Variants in ADA2 observed in about 807,000 individuals in gnomAD.
The protein encoded by ADA2 is adenosine deaminase CECR1.
In ADA2, 29 loss-of-function variants were observed where a neutral mutation model predicts 44.2. That is an observed-to-expected ratio of 0.66 (90% CI 0.49 to 0.89). The LOEUF (loss-of-function observed/expected upper bound fraction) is 0.89, where lower values mean the gene tolerates loss of function less well. ADA2 is among the 40% of genes least tolerant of loss of function. The pLI, the probability that ADA2 is intolerant of heterozygous loss-of-function variation, is 0.00. For synonymous variants in ADA2, 215 were observed against 234.9 expected, an observed-to-expected ratio of 0.92 and a Z score of 0.77; for missense variants, 637 against 644.8, an observed-to-expected ratio of 0.99 and a Z score of 0.13.
chr22:17,212,471 A>T (rs2062428947), intron 1 of ADA2, among the ~76,000 whole-genome samples: 1 of 152,036 alleles, frequency 6.6e-6, no homozygotes. Flanking sequence ...ACGGAGTTTC[A>T]CTATGTTGCC....
At chr22:17,185,561 G>A (rs945253709) in intron 7 of ADA2, among the ~76,000 whole-genome samples, 4 of 152,126 alleles carry the variant, frequency 2.6e-5, no homozygotes, top group Non-Finnish European at 4.4e-5. Flanking sequence ...GCAATGTTTT[G>A]TAGGGCCAGA....
At chr22:17,204,199 C>T (rs1246038290) in intron 3 of ADA2, among the ~76,000 whole-genome samples, 4 of 152,100 alleles carry the variant, frequency 2.6e-5, no homozygotes, top group Admixed American at 6.6e-5. Flanking sequence ...ACTTGTGTCC[C>T]CAAACCCCCA....
At chr22:17,192,946 A>C in intron 4 of ADA2, 1 of 598,072 alleles carries the variant, frequency 1.7e-6, no homozygotes, top group South Asian at 1.5e-5. Context: ...ATTGTCAAAA[A>C]GAGAACCAAA....
At chr22:17,188,588 AC>A in intron 6 of ADA2, 141 bp from the exon 7 acceptor site, 1 of 585,040 alleles carries the variant, frequency 1.7e-6, no homozygotes, top group Non-Finnish European at 3.0e-6. Flanking sequence ...TTTAAGAATG[AC>A]CAGGAGCAGG....
intron 4 of ADA2, chr22:17,199,801 G>A (rs1196421167): frequency 7.2e-7 from 1 of 1,380,100 alleles, no homozygotes; most frequent in South Asian, 1.5e-5. Flanking sequence ...TGAATTAATA[G>A]CTGGGCATGG....
In ADA2 at chr22:17,188,460, G is replaced by A. The variant is rs2062066247; in HGVS notation, c.973-13C>T. 1 of 1,576,244 alleles carries A rather than the reference G, an allele frequency of 6.3e-7. No homozygotes were observed. The highest frequency in any genetic ancestry group is 8.7e-7 in the Non-Finnish European group (1 of 1,146,074). On this transcript the variant is annotated splice_polypyrimidine_tract_variant and intron_variant, in intron 6 of 9. Transcript: ENST00000399837. ...CCTCATGCCCCACCTGCAGGACAGA[G>A]AGGGACAGGGAGGTGTCTGCAGGGC...
Position 17,191,696 on chromosome 22 carries a change from A to G in ADA2, c.868T>C (p.Tyr290His), listed in dbSNP as rs1460950113. 1.9e-6 allele frequency: 3 copies of G among 1,614,066 alleles called. No individual in the cohort carries two copies. Among genetic ancestry groups the G allele is most frequent in the Non-Finnish European group, 2.5e-6 (3 of 1,179,984 alleles). Residue 290 changes from tyrosine (Y) to histidine (H), a missense_variant, in exon 5 of 10, where the codon TAT (tyrosine) becomes CAT (histidine). Tyr to His is a moderately conservative substitution (Grantham distance 83). Transcript: ENST00000399837. ...ATTCTCTCTCACCTGTGATCCGAAT[A>G]AATGATTTTGATTCCAATAAACTCA... ...HPEFIGIKII[Y>H]SDHRSKDVAV...
intron 1 of ADA2, among the ~76,000 whole-genome samples, chr22:17,215,821 G>A (rs1382038815): frequency 6.6e-6 from 1 of 152,016 alleles, no homozygotes; most frequent in Non-Finnish European, 1.5e-5. Flanking sequence ...GGGGGATGAA[G>A]AGAAGTTGGT....
At chr22:17,189,887 G>T in intron 6 of ADA2, 55 bp downstream of exon 6, 1 of 1,296,028 alleles carries the variant, frequency 7.7e-7, no homozygotes, top group Non-Finnish European at 1.1e-6. Context: ...CACCCAGACA[G>T]GCATCCTCGC....
At chr22:17,188,671 A>T (rs1407883688) in intron 6 of ADA2, 2 of 349,450 alleles carry the variant, frequency 5.7e-6, no homozygotes, top group Non-Finnish European at 1.1e-5. Flanking sequence ...CGAAGTCAGG[A>T]GATCGAGACC....
upstream of ADA2, among the ~76,000 whole-genome samples, chr22:17,219,810 G>T (rs552600094): frequency 3.2e-4 from 49 of 152,016 alleles, no homozygotes; most frequent in African/African-American, 1.2e-3. Flanking sequence ...GAGTAGCTGG[G>T]ATTGCAGGCG....
chr22:17,214,940 C>T (rs892766541), intron 1 of ADA2, among the ~76,000 whole-genome samples: 4 of 152,186 alleles, frequency 2.6e-5, no homozygotes, highest in African/African-American at 4.8e-5. Context: ...TCAGAGTTGA[C>T]ACATCACACG....
intron 9 of ADA2, 28 bp downstream of exon 9, chr22:17,181,792 G>T (rs1433946312): frequency 6.3e-7 from 1 of 1,593,956 alleles, no homozygotes; most frequent in South Asian, 1.1e-5. Context: ...AAGGAGGCGG[G>T]GGACCTGGGA....
At chr22:17,220,552 T>C, upstream of ADA2, among the ~76,000 whole-genome samples, 1 of 152,120 alleles carries the variant, frequency 6.6e-6, no homozygotes, top group East Asian at 1.9e-4. Context: ...TAGCCATGAC[T>C]ATTCTTAGAA....
At chr22:17,182,949 G>A (rs1165099115) in intron 7 of ADA2, among the ~76,000 whole-genome samples, 188 bp from the exon 8 acceptor site, 1 of 151,558 alleles carries the variant, frequency 6.6e-6, no homozygotes. Flanking sequence ...GCTAAAGAGA[G>A]GTATGATATG....
intron 4 of ADA2, among the ~76,000 whole-genome samples, chr22:17,196,042 C>T (rs75626246): frequency 0.11 from 16,628 of 151,864 alleles, 1,061 homozygotes; most frequent in East Asian, 0.27. Context: ...CCACTGCGCC[C>T]GGCAAGAAAA....
intron 4 of ADA2, among the ~76,000 whole-genome samples, chr22:17,200,994 G>C (rs1392172320): frequency 6.6e-6 from 1 of 152,068 alleles, no homozygotes; most frequent in Non-Finnish European, 1.5e-5. Flanking sequence ...TGGATCAGCT[G>C]AGGTCAGGAG....
At chr22:17,218,566 G>T (rs2062494709) in intron 1 of ADA2, among the ~76,000 whole-genome samples, 1 of 151,914 alleles carries the variant, frequency 6.6e-6, no homozygotes. Context: ...CCCGCCCCTT[G>T]TCCCTGTCTC....
At chr22:17,210,615 T>A (rs1478395967) in intron 1 of ADA2, among the ~76,000 whole-genome samples, 2 of 152,174 alleles carry the variant, frequency 1.3e-5, no homozygotes, top group South Asian at 2.1e-4. Context: ...TTGTTTTTTT[T>A]AAGACAGAGT....
Sources: gnomAD v4.1 joint callset for allele counts (sites outside exome capture counted in the v4.1 genomes callset) on GRCh38, gnomAD v4.1.1 for gene constraint, MANE v1.5 for transcripts, NCBI Gene and HGNC (gene_info 2026-07-23, HGNC 2026-07-21) for gene names.